The following ZNF718 variants were observed in gnomAD, a reference collection of about 807,000 sequenced individuals.
ZNF718 encodes zinc finger protein 718.
Under a neutral mutation model 2.6 loss-of-function variants are expected in ZNF718, and 3 were observed. The ratio of observed to expected loss-of-function variants is 1.16; its 90% CI spans 0.53 to 3.01. The LOEUF (loss-of-function observed/expected upper bound fraction) is 3.01. Ranked by LOEUF, ZNF718 falls within the 30% of genes most tolerant of loss-of-function variation. The probability of loss-of-function intolerance (pLI) is 0.03; values close to 1 mark genes in which losing one functional copy is unlikely to be tolerated. For synonymous variants in ZNF718, 135 were observed against 77.9 expected, an observed-to-expected ratio of 1.73 and a Z score of -3.86; for missense variants, 468 against 230.0, an observed-to-expected ratio of 2.03 and a Z score of -6.69.
chr4:195,816 G>A (rs1717779131), intron 3 of ZNF718, among the ~76,000 whole-genome samples: 2 of 152,104 alleles, frequency 1.3e-5, no homozygotes, highest in African/African-American at 4.8e-5. Flanking sequence ...CTGACAACAA[G>A]GTAGTATTGG....
downstream of ZNF718, among the ~76,000 whole-genome samples, chr4:164,183 A>G (rs1024697013): frequency 2.0e-5 from 3 of 152,034 alleles, no homozygotes; most frequent in Non-Finnish European, 4.4e-5. Flanking sequence ...GACATCTGGC[A>G]TCTCTTCTGG....
At chr4:177,672 G>A (rs1717377323) in intron 3 of ZNF718, among the ~76,000 whole-genome samples, 1 of 152,030 alleles carries the variant, frequency 6.6e-6, no homozygotes, top group Non-Finnish European at 1.5e-5. Flanking sequence ...GGAAAACTGT[G>A]TCCCTACACA....
chr4:163,851 T>C lies in ZNF718; in HGVS notation c.*1729T>C, dbSNP rs1228061751. 6.6e-6 allele frequency: 1 copy of C among 151,924 alleles called. No individual in the cohort carries two copies. The highest frequency in any genetic ancestry group is 6.5e-5 in the Admixed American group (1 of 15,274). The allele number at this position is 151,924 out of a possible 1,614,324, so 9.4% of individuals were successfully genotyped here. Reference sequence around the variant, plus strand: ...TTGTTCTCATGTTAAATTTTTATTATTTTTTATATTTAAATTTATTTTTAA... The same window carrying C: ...TTGTTCTCATGTTAAATTTTTATTACTTTTTATATTTAAATTTATTTTTAA... On this transcript the variant is annotated 3_prime_UTR_variant, in exon 4 of 4. Coordinates refer to ENST00000510175, the MANE Select transcript of ZNF718 (RefSeq NM_001039127.6).
chr4:200,590 TG>T (rs1244669073), intron 3 of ZNF718, among the ~76,000 whole-genome samples: 16 of 152,194 alleles, frequency 1.1e-4, no homozygotes, highest in African/African-American at 3.9e-4. Flanking sequence ...GTTTTGTTTT[TG>T]TTTTTTTTAG....
intron 1 of ZNF718, 117 bp downstream of exon 1, chr4:124,790 T>C: frequency 7.1e-7 from 1 of 1,408,354 alleles, no homozygotes; most frequent in Non-Finnish European, 9.7e-7. Flanking sequence ...CTGTCCTCAG[T>C]CCCCTCCGGT....
At chr4:197,456 A>G (rs1717814954) in intron 3 of ZNF718, among the ~76,000 whole-genome samples, 1 of 152,176 alleles carries the variant, frequency 6.6e-6, no homozygotes, top group Admixed American at 6.5e-5. Flanking sequence ...CTAAGAATAC[A>G]TTAAGACTGC....
At chr4:195,758 A>T (rs571091815) in intron 3 of ZNF718, among the ~76,000 whole-genome samples, 1 of 152,282 alleles carries the variant, frequency 6.6e-6, no homozygotes, top group African/African-American at 2.4e-5. Context: ...TAGGAAGTCT[A>T]CGGGCTGTCA....
At chr4:154,676 G>C (rs1220547799) in intron 3 of ZNF718, among the ~76,000 whole-genome samples, 1 of 152,150 alleles carries the variant, frequency 6.6e-6, no homozygotes, top group Non-Finnish European at 1.5e-5. Flanking sequence ...GAGGTGACTT[G>C]GGTGCTGTTA....
chr4:131,812 G>C (rs1177562546), intron 3 of ZNF718, among the ~76,000 whole-genome samples: 1 of 97,344 alleles, frequency 1.0e-5, no homozygotes, highest in African/African-American at 3.6e-5. Context: ...GGAGGCGGCC[G>C]AGGCGGGTGG....
intron 3 of ZNF718, among the ~76,000 whole-genome samples, chr4:152,674 A>G (rs551459414): frequency 2.6e-5 from 4 of 152,194 alleles, no homozygotes; most frequent in Non-Finnish European, 4.4e-5. Flanking sequence ...CTACACAGAC[A>G]CAGTAACAAT....
chr4:142,260 A>T (rs1715846265), intron 3 of ZNF718, among the ~76,000 whole-genome samples: 1 of 152,072 alleles, frequency 6.6e-6, no homozygotes, highest in Admixed American at 6.5e-5. Context: ...TTACCTTTGA[A>T]TTTTTTTTCT....
Position 162,890 on chromosome 4 carries a change from G to C in ZNF718, c.*768G>C, listed in dbSNP as rs1476533143. The C allele has an allele frequency of 6.6e-6, 1 of 152,040 alleles. No individual in the cohort carries two copies. The highest frequency in any genetic ancestry group is 1.5e-5 in the Non-Finnish European group (1 of 67,974). 9.4% of individuals were successfully genotyped at this position (152,040 alleles called of 1,614,324 possible). On this transcript the variant is annotated 3_prime_UTR_variant, in exon 4 of 4. Transcript: ENST00000510175. ...AATGTCAGAATATTTACAGTAGAAA[G>C]AAAAAGGCATTAACACTTGAAACAT...
In ZNF718 at chr4:142,121, T is replaced by G. The variant is rs147846103; in HGVS notation, c.226+10616T>G. 1.9e-3 allele frequency: 998 copies of G among 512,044 alleles called. 8 individuals carry two copies. The highest frequency in any genetic ancestry group is 7.7e-3 in the Middle Eastern group (24 of 3,126). The allele number at this position is 512,044 out of a possible 1,614,324, so 31.7% of individuals were successfully genotyped here. On this transcript the variant is annotated intron_variant, in intron 3 of 3. Transcript: ENST00000510175. ...GTTTTGATAAGGGTCCCTCCACATTTTTGGAACTGTGCAGCCATTGGAACC... is the reference window on the plus strand; with the variant it reads ...GTTTTGATAAGGGTCCCTCCACATTGTTGGAACTGTGCAGCCATTGGAACC...
downstream of ZNF718, among the ~76,000 whole-genome samples, chr4:168,688 C>A (rs535721181): frequency 1.3e-3 from 194 of 152,086 alleles, 1 homozygote; most frequent in Admixed American, 0.011. Context: ...TCTGTGGGAT[C>A]GGTGGTGATA....
At chr4:153,172 A>T (rs1190389089) in intron 3 of ZNF718, among the ~76,000 whole-genome samples, 2 of 114,532 alleles carry the variant, frequency 1.7e-5, no homozygotes, top group African/African-American at 6.1e-5. Flanking sequence ...TATTTATTGA[A>T]AAGACTCTCT....
chr4:161,212 G>A lies in ZNF718; in HGVS notation c.527G>A (p.Cys176Tyr), dbSNP rs781970218. ...TGDKTFKCKE[C>Y]GKSFHVLSRL... ...GATAAAACCTTTAAATGTAAAGAAT[G>A]TGGCAAATCATTTCACGTGCTCTCA... Residue 176 changes from cysteine (C) to tyrosine (Y), a missense_variant, in exon 4 of 4, where the codon TGT becomes TAT. Cys to Tyr is a radical substitution (Grantham distance 194). Transcript: ENST00000510175. 21 of 773,688 alleles carry A rather than the reference G, an allele frequency of 2.7e-5. No homozygotes were observed. The highest frequency in any genetic ancestry group is 4.9e-5 in the East Asian group (2 of 41,218). 47.9% of individuals were successfully genotyped at this position (773,688 alleles called of 1,614,324 possible). A position where few individuals can be genotyped will look rare whatever the true frequency, so the allele number is the denominator to read the frequency against.
intron 3 of ZNF718, among the ~76,000 whole-genome samples, chr4:133,782 A>G (rs1312296456): frequency 2.6e-5 from 4 of 152,220 alleles, no homozygotes; most frequent in Non-Finnish European, 4.4e-5. Context: ...TACATGTGCA[A>G]CCTGGATTTT....
chr4:157,040 A>T (rs1285706028), intron 3 of ZNF718, among the ~76,000 whole-genome samples: 1 of 150,726 alleles, frequency 6.6e-6, no homozygotes, highest in Non-Finnish European at 1.5e-5. Flanking sequence ...TTTTGAAATC[A>T]GGAGCTGTGA....
intron 3 of ZNF718, among the ~76,000 whole-genome samples, chr4:148,678 G>C (rs1310197634): frequency 2.6e-5 from 4 of 151,072 alleles, no homozygotes; most frequent in Non-Finnish European, 5.9e-5. Flanking sequence ...CAGGGGCACA[G>C]ATGGATGTTT....
Sources: gnomAD v4.1 joint callset for allele counts (sites outside exome capture counted in the v4.1 genomes callset) on GRCh38, gnomAD v4.1.1 for gene constraint, MANE v1.5 for transcripts, NCBI Gene and HGNC (gene_info 2026-07-23, HGNC 2026-07-21) for gene names.